PCLO: variants seen among roughly 807,000 people sequenced by gnomAD.
The protein encoded by PCLO is piccolo presynaptic cytomatrix protein, also known as protein piccolo.
A neutral mutation model predicts 427.5 loss-of-function variants in PCLO; 82 were observed. The observed-to-expected ratio is 0.19, with a 90% confidence interval of 0.16 to 0.23. The LOEUF is 0.23. Among genes scored for constraint, PCLO ranks in the 10% least tolerant of loss-of-function variants. The pLI, the probability that PCLO is intolerant of heterozygous loss-of-function variation, is 1.00. For missense variants in PCLO, 6,239 were observed against 6,115.9 expected (o/e 1.02, Z -0.67); for synonymous variants, 2,357 against 2,155.4 (o/e 1.09, Z -2.59).
At chr7:82,909,038 A>G in intron 7 of PCLO, 25 bp from the exon 8 acceptor site, 16 of 1,610,668 alleles carry the variant, frequency 9.9e-6, no homozygotes, top group Non-Finnish European at 1.4e-5. Flanking sequence ...GAAACATCAT[A>G]CATTGCAACG....
intron 3 of PCLO, among the ~76,000 whole-genome samples, chr7:83,019,159 A>C (rs1292811993): frequency 6.6e-6 from 1 of 152,106 alleles, no homozygotes; most frequent in African/African-American, 2.4e-5. Flanking sequence ...TGTCAATGTA[A>C]ATTTTGTGAA....
At chr7:83,143,709 G>T (rs528479855) in intron 2 of PCLO, among the ~76,000 whole-genome samples, 5 of 149,414 alleles carry the variant, frequency 3.3e-5, no homozygotes, top group Admixed American at 3.3e-4. Context: ...TACAGTACAC[G>T]GACATGAAAG....
Position 82,859,233 on chromosome 7 carries a change from G to C in PCLO, c.13655-11986C>G, listed in dbSNP as rs545333383. ...CTGGCTTTGCCACCTGCTAATTGTA[G>C]AGTTCCAGGGCTGTGAGTGAACATA... On this transcript the variant is annotated intron_variant, in intron 10 of 24. Transcript: ENST00000333891. Among the ~76,000 whole-genome samples the C allele has an allele frequency of 4.6e-5, 7 of 152,286 alleles. 1 individual carries two copies. The highest frequency in any genetic ancestry group is 1.7e-4 in the African/African-American group (7 of 41,562).
At position 82,953,356 on chromosome 7, in the gene PCLO, G is replaced by C. The variant is rs770952145; in HGVS notation, c.7597C>G (p.Pro2533Ala). The C allele has an allele frequency of 3.7e-6, 6 of 1,613,714 alleles. No homozygotes were observed. In the East Asian group the frequency reaches 1.3e-4, roughly 36 times the overall value. Residue 2533 changes from proline (P) to alanine (A), a missense_variant, in exon 5 of 25, where the codon CCA becomes GCA. Pro to Ala is a conservative substitution (Grantham distance 27). Around this residue, in one of 5 missense-constraint regions of PCLO, gnomAD observed 4,677 missense variants for 4,468.4 expected, o/e 1.05. Transcript: ENST00000333891. Reference protein sequence around the residue: ...TQKPTDIHPKPTGLSLTSSMT... With the variant: ...TQKPTDIHPKATGLSLTSSMT... ...CTTGAAGTTAAAGATAGGCCTGTTG[G>C]TTTGGGGTGTATATCTGTTGGTTTT...
Position 83,156,150 on chromosome 7 carries a change from C to T in PCLO, c.491G>A (p.Ser164Asn), listed in dbSNP as rs1792291344. The T allele has an allele frequency of 6.2e-7, 1 of 1,613,736 alleles. No individual in the cohort carries two copies. Among genetic ancestry groups the T allele is most frequent in the African/African-American group, 1.3e-5 (1 of 74,970 alleles). Residue 164 changes from serine to asparagine, a missense_variant, in exon 2 of 25, where the codon AGT becomes AAT. Ser to Asn is a conservative substitution (Grantham distance 46). This residue lies in a region of PCLO where 4,677 missense variants were observed against 4,468.4 expected (regional missense o/e 1.05). Coordinates refer to ENST00000333891, the MANE Select transcript of PCLO (RefSeq NM_033026.6). Reference protein sequence around the residue: ...PGFLSEVNALSAVSSVVNKFN... With the variant: ...PGFLSEVNALNAVSSVVNKFN... Reference sequence around the variant, plus strand: ...TTTATTTACAACAGAGGAAACAGCACTTAAAGCGTTAACCTCTGAGAGGAA... The same window carrying T: ...TTTATTTACAACAGAGGAAACAGCATTTAAAGCGTTAACCTCTGAGAGGAA...
At chr7:82,905,203 C>T (rs925225915) in intron 8 of PCLO, among the ~76,000 whole-genome samples, 4 of 152,006 alleles carry the variant, frequency 2.6e-5, no homozygotes, top group African/African-American at 9.7e-5. Flanking sequence ...GAATTATTGC[C>T]TATAGGCCTC....
At chr7:83,161,189 T>G (rs1792426858) in intron 1 of PCLO, among the ~76,000 whole-genome samples, 1 of 152,056 alleles carries the variant, frequency 6.6e-6, no homozygotes, top group Admixed American at 6.6e-5. Flanking sequence ...ATTTCTCCTA[T>G]AATTATTTGG....
rs560141991 is a variant in PCLO at position 83,033,558 on chromosome 7, T to C, written c.3301-67071A>G. 2.0e-5 allele frequency among the ~76,000 whole-genome samples: 3 copies of C among 152,130 alleles called. No individual in the cohort carries two copies. In the South Asian group the frequency reaches 6.2e-4, roughly 32 times the overall value. Reference sequence around the variant, plus strand: ...GATCCTACCTATCATTCAATATCCATCTTAGATATTCCCTCCTCCATGAAG... The same window carrying C: ...GATCCTACCTATCATTCAATATCCACCTTAGATATTCCCTCCTCCATGAAG... On this transcript the variant is annotated intron_variant, in intron 3 of 24. Coordinates refer to ENST00000333891, the MANE Select transcript of PCLO (RefSeq NM_033026.6).
chr7:82,954,355 T>G lies in PCLO; in HGVS notation c.6598A>C (p.Ile2200Leu). The G allele has an allele frequency of 6.2e-7, 1 of 1,613,844 alleles. No individual in the cohort carries two copies. Among genetic ancestry groups the G allele is most frequent in the Non-Finnish European group, 8.5e-7 (1 of 1,179,816 alleles). The change falls in exon 5 of 25, where the codon ATT becomes CTT. Residue 2200 changes from isoleucine to leucine, a missense_variant. By Grantham distance (5) the Ile-to-Leu change is conservative (BLOSUM62 2). Coordinates refer to ENST00000333891, the MANE Select transcript of PCLO (RefSeq NM_033026.6). Reference protein sequence around the residue: ...SVCTTDSSSPITTLDSITTVY... With the variant: ...SVCTTDSSSPLTTLDSITTVY... ...GTGGTTATGCTATCCAGGGTAGTAA[T>G]GGGTGAAGAGCTATCTGTGGTACAG...
intron 6 of PCLO, among the ~76,000 whole-genome samples, chr7:82,927,034 C>A (rs748093600): frequency 8.6e-5 from 13 of 151,618 alleles, no homozygotes; most frequent in Non-Finnish European, 1.8e-4. Flanking sequence ...ATTTAGGTTT[C>A]TTTTTTCCTT....
chr7:82,924,397 ACTAG>A (rs1316296382), intron 6 of PCLO, among the ~76,000 whole-genome samples: 1 of 152,148 alleles, frequency 6.6e-6, no homozygotes, highest in Non-Finnish European at 1.5e-5. Context: ...AAGGTATTCA[ACTAG>A]CTATTTTAAT....
chr7:82,880,773 T>A (rs1239685449), intron 9 of PCLO, among the ~76,000 whole-genome samples: 1 of 152,228 alleles, frequency 6.6e-6, no homozygotes, highest in African/African-American at 2.4e-5. Context: ...CAATGCATGT[T>A]AATTATTTTA....
In PCLO at chr7:82,900,668, T is replaced by C. The variant is rs1040696424; in HGVS notation, c.13528+1983A>G. ...GAGATATAGGAGTCAAACAATTAAA[T>C]GCAATGTGGGATCCTAAATTGGATC... On this transcript the variant is annotated intron_variant, in intron 9 of 24. Transcript: ENST00000333891. Among the ~76,000 whole-genome samples the C allele has an allele frequency of 4.0e-5, 6 of 151,576 alleles. No individual in the cohort carries two copies. In the East Asian group the frequency reaches 5.8e-4, roughly 15 times the overall value.
intron 9 of PCLO, among the ~76,000 whole-genome samples, chr7:82,884,814 T>G (rs977305536): frequency 6.6e-6 from 1 of 150,918 alleles, no homozygotes. Context: ...AGAAAATTCT[T>G]TTTTTTTTTG....
intron 3 of PCLO, among the ~76,000 whole-genome samples, chr7:83,080,121 T>C (rs990078714): frequency 6.6e-5 from 10 of 152,212 alleles, no homozygotes; most frequent in African/African-American, 2.4e-4. Flanking sequence ...CAGTCTATCA[T>C]TGATGGGCAT....
intron 12 of PCLO, among the ~76,000 whole-genome samples, chr7:82,846,189 C>T (rs951563642): frequency 9.9e-5 from 15 of 151,848 alleles, no homozygotes; most frequent in Admixed American, 3.9e-4. Context: ...TTCAAAAACC[C>T]AGTTATTCTA....
intron 9 of PCLO, among the ~76,000 whole-genome samples, chr7:82,899,952 A>T (rs1479897735): frequency 6.6e-6 from 1 of 151,620 alleles, no homozygotes; most frequent in Non-Finnish European, 1.5e-5. Context: ...TGAAAAAATA[A>T]TTTTGGCATT....
intron 3 of PCLO, among the ~76,000 whole-genome samples, chr7:83,091,559 C>T (rs759467522): frequency 2.0e-5 from 3 of 152,132 alleles, no homozygotes; most frequent in Non-Finnish European, 2.9e-5. Flanking sequence ...ACTAAAACTG[C>T]TAATCAACTG....
intron 3 of PCLO, 128 bp from the exon 4 acceptor site, chr7:82,966,615 T>A: frequency 2.0e-6 from 1 of 490,410 alleles, no homozygotes; most frequent in Non-Finnish European, 3.5e-6. Flanking sequence ...TGGGTCACTG[T>A]TTTCCAAATC....
Sources: gnomAD v4.1 joint callset for allele counts (sites outside exome capture counted in the v4.1 genomes callset) on GRCh38, gnomAD v4.1.1 for gene constraint, gnomAD v4.1.1 regional missense constraint, MANE v1.5 for transcripts, NCBI Gene and HGNC (gene_info 2026-07-23, HGNC 2026-07-21) for gene names.